The following NDFIP2 variants were observed in gnomAD, a reference collection of about 807,000 sequenced individuals.
NDFIP2 encodes Nedd4 family interacting protein 2.
A neutral mutation model predicts 36.0 loss-of-function variants in NDFIP2; 19 were observed. The observed-to-expected ratio is 0.53, with a 90% CI of 0.37 to 0.77. NDFIP2 has a LOEUF of 0.77. NDFIP2 is among the 30% of genes least tolerant of loss of function. The pLI is 0.00. For synonymous variants in NDFIP2, 181 were observed against 167.7 expected (o/e 1.08, Z -0.61); for missense variants, 446 against 435.8 (o/e 1.02, Z -0.21).
At chr13:79,494,573 A>G (rs955427257) in intron 1 of NDFIP2, among the ~76,000 whole-genome samples, 14 of 151,976 alleles carry the variant, frequency 9.2e-5, no homozygotes, top group Non-Finnish European at 1.5e-5. Context: ...CATTCTTCCT[A>G]GAGCCTTCTA....
At chr13:79,514,174 T>G (rs978139128) in intron 1 of NDFIP2, among the ~76,000 whole-genome samples, 1 of 152,188 alleles carries the variant, frequency 6.6e-6, no homozygotes, top group Non-Finnish European at 1.5e-5. Flanking sequence ...GCAAAAGTAA[T>G]TGTGGTTTTG....
chr13:79,526,479 A>T (rs1243203338), intron 2 of NDFIP2, among the ~76,000 whole-genome samples: 1 of 152,202 alleles, frequency 6.6e-6, no homozygotes, highest in Non-Finnish European at 1.5e-5. Flanking sequence ...GAGGAGGAAG[A>T]AGTTGTCTAT....
intron 1 of NDFIP2, among the ~76,000 whole-genome samples, chr13:79,502,064 G>A (rs184820618): frequency 2.2e-4 from 33 of 152,164 alleles, no homozygotes; most frequent in African/African-American, 7.7e-4. Context: ...GAACATATTA[G>A]GCTTTTAGTA....
intron 1 of NDFIP2, among the ~76,000 whole-genome samples, chr13:79,496,968 G>A (rs1873457457): frequency 6.6e-6 from 1 of 151,888 alleles, no homozygotes; most frequent in South Asian, 2.1e-4. Context: ...AGTTGTAATA[G>A]TTGCTTTATA....
chr13:79,541,051 A>G (rs1195263730), intron 4 of NDFIP2, among the ~76,000 whole-genome samples: 1 of 152,216 alleles, frequency 6.6e-6, no homozygotes, highest in Non-Finnish European at 1.5e-5. Flanking sequence ...TTTTAATAAC[A>G]AACTTCTCAC....
At chr13:79,514,956 C>T (rs1454246578) in intron 1 of NDFIP2, among the ~76,000 whole-genome samples, 2 of 152,122 alleles carry the variant, frequency 1.3e-5, no homozygotes, top group East Asian at 1.9e-4. Context: ...TTTGTGTAGA[C>T]CATAAAATAC....
chr13:79,534,604 G>C (rs979519793), intron 3 of NDFIP2, among the ~76,000 whole-genome samples: 4 of 152,080 alleles, frequency 2.6e-5, no homozygotes, highest in Non-Finnish European at 5.9e-5. Flanking sequence ...AGGAGGGCTA[G>C]AATTTTTTGC....
intron 3 of NDFIP2, among the ~76,000 whole-genome samples, chr13:79,537,414 A>G (rs1471812853): frequency 6.6e-6 from 1 of 152,114 alleles, no homozygotes; most frequent in Non-Finnish European, 1.5e-5. Context: ...CCTGGCCTGG[A>G]CTGATGTTTT....
chr13:79,534,787 A>G (rs755646889), intron 3 of NDFIP2, among the ~76,000 whole-genome samples: 2 of 152,116 alleles, frequency 1.3e-5, no homozygotes, highest in Non-Finnish European at 2.9e-5. Flanking sequence ...AGCTGCTATG[A>G]GGTCAGAGCC....
chr13:79,527,978 A>G (rs1352540762), intron 2 of NDFIP2, among the ~76,000 whole-genome samples: 1 of 152,154 alleles, frequency 6.6e-6, no homozygotes, highest in African/African-American at 2.4e-5. Flanking sequence ...TTAATAAAAA[A>G]GCTAGCTATG....
chr13:79,525,797 C>T (rs1039155970), intron 2 of NDFIP2, among the ~76,000 whole-genome samples: 13 of 152,242 alleles, frequency 8.5e-5, no homozygotes, highest in East Asian at 7.7e-4. Flanking sequence ...AGATTGCAGT[C>T]GACCTTGGGG....
At chr13:79,502,047 G>T (rs1382847084) in intron 1 of NDFIP2, among the ~76,000 whole-genome samples, 1 of 152,032 alleles carries the variant, frequency 6.6e-6, no homozygotes, top group Non-Finnish European at 1.5e-5. Flanking sequence ...ACCCAGTATT[G>T]TACCTGGAAC....
At chr13:79,510,998 CAAA>C (rs11425903) in intron 1 of NDFIP2, among the ~76,000 whole-genome samples, 6 of 95,340 alleles carry the variant, frequency 6.3e-5, no homozygotes, top group Admixed American at 1.0e-4. Context: ...GACTCTGTCT[CAAA>C]AAAAAAAAAA....
chr13:79,484,448 G>A (rs960519960), intron 1 of NDFIP2, among the ~76,000 whole-genome samples: 1 of 152,180 alleles, frequency 6.6e-6, no homozygotes, highest in African/African-American at 2.4e-5. Context: ...TTCCCAAACT[G>A]TATTTCAGAA....
chr13:79,507,826 T>C (rs1055867579), intron 1 of NDFIP2, among the ~76,000 whole-genome samples: 1 of 151,976 alleles, frequency 6.6e-6, no homozygotes, highest in African/African-American at 2.4e-5. Context: ...TTTGAGATCT[T>C]GAACTTTTTT....
At chr13:79,481,643 T>C in intron 1 of NDFIP2, 119 bp downstream of exon 1, 1 of 1,269,312 alleles carries the variant, frequency 7.9e-7, no homozygotes, top group Non-Finnish European at 1.1e-6. Context: ...GTGTTTTGTT[T>C]TGTTTTTTTG....
At chr13:79,500,790 C>G (rs1449465734) in intron 1 of NDFIP2, among the ~76,000 whole-genome samples, 1 of 152,006 alleles carries the variant, frequency 6.6e-6, no homozygotes, top group Non-Finnish European at 1.5e-5. Context: ...ACCATACTAT[C>G]CAGTAGTCCA....
At chr13:79,548,820 A>T (rs1002119482) in intron 6 of NDFIP2, among the ~76,000 whole-genome samples, 1 of 152,000 alleles carries the variant, frequency 6.6e-6, no homozygotes, top group Non-Finnish European at 1.5e-5. Context: ...ATTAATCATT[A>T]ATCAGCCAGG....
At position 79,543,795 on chromosome 13, in the gene NDFIP2, T is replaced by C. The variant is rs1015218025; in HGVS notation, c.840+113T>C. 7 of 1,335,592 alleles carry C rather than the reference T, an allele frequency of 5.2e-6. 1 individual carries two copies. The Admixed American group carries it at 1.6e-4, about 30-fold the overall frequency. 82.7% of individuals were successfully genotyped at this position (1,335,592 alleles called of 1,614,324 possible). On this transcript the variant is annotated intron_variant, in intron 5 of 7. Coordinates refer to ENST00000218652, the MANE Select transcript of NDFIP2 (RefSeq NM_019080.3). ...TTCATGAATTCAGTTATTTCAAGGC[T>C]TATTCTTAAATCCTATACTTAATCA...
Sources: gnomAD v4.1 joint callset for allele counts (sites outside exome capture counted in the v4.1 genomes callset) on GRCh38, gnomAD v4.1.1 for gene constraint, MANE v1.5 for transcripts, NCBI Gene and HGNC (gene_info 2026-07-23, HGNC 2026-07-21) for gene names.